CHAT: variants seen among roughly 807,000 people sequenced by gnomAD.
CHAT encodes acetyl CoA:choline O-acetyltransferase.
A neutral mutation model predicts 76.9 loss-of-function variants in CHAT; 61 were observed. The ratio of observed to expected loss-of-function variants is 0.79; its 90% CI spans 0.65 to 0.98. The LOEUF (loss-of-function observed/expected upper bound fraction) is 0.98, where lower values mean the gene tolerates loss of function less well. Ranked by LOEUF, CHAT falls within the 50% of genes least tolerant of loss-of-function variation. The pLI is 0.00. For missense variants in CHAT, 946 were observed against 986.9 expected (o/e 0.96, Z 0.56); for synonymous variants, 407 against 397.4 (o/e 1.02, Z -0.29).
intron 1 of CHAT, 115 bp from the exon 2 acceptor site, chr10:49,616,387 G>A (rs878976481): frequency 3.6e-6 from 3 of 825,418 alleles, no homozygotes; most frequent in Non-Finnish European, 6.2e-6. Flanking sequence ...ATACACAGCT[G>A]TCAGGCTCTG....
At chr10:49,635,220 A>G (rs1022123784) in intron 7 of CHAT, among the ~76,000 whole-genome samples, 1 of 152,230 alleles carries the variant, frequency 6.6e-6, no homozygotes, top group African/African-American at 2.4e-5. Flanking sequence ...TTCAAACAGT[A>G]TAATTCTCCG....
At chr10:49,644,742 A>G (rs1590603830) in intron 7 of CHAT, among the ~76,000 whole-genome samples, 1 of 152,332 alleles carries the variant, frequency 6.6e-6, no homozygotes, top group East Asian at 1.9e-4. Context: ...TGGGGACTGG[A>G]GACTCCTTTC....
chr10:49,639,353 C>T (rs1463162304), intron 7 of CHAT, among the ~76,000 whole-genome samples: 1 of 152,102 alleles, frequency 6.6e-6, no homozygotes, highest in Non-Finnish European at 1.5e-5. Context: ...GTTTTGATTT[C>T]CCCTTCTTCA....
intron 7 of CHAT, among the ~76,000 whole-genome samples, chr10:49,640,840 T>TTTTG (rs199505786): frequency 4.0e-4 from 61 of 152,372 alleles, no homozygotes; most frequent in South Asian, 1.0e-3. Context: ...TTGTTGATTA[T>TTTTG]TTTGTTTGTT....
At chr10:49,612,592 C>A, upstream of CHAT, 1 of 500,942 alleles carries the variant, frequency 2.0e-6, no homozygotes, top group East Asian at 3.2e-5. Context: ...GACCCTGAGT[C>A]CCCACCTGCG....
Position 49,664,828 on chromosome 10 carries a change from G to T in CHAT, c.2029G>T (p.Gly677Trp). 6.2e-7 allele frequency: 1 copy of T among 1,614,192 alleles called. No individual in the cohort carries two copies. Among genetic ancestry groups the T allele is most frequent in the Non-Finnish European group, 8.5e-7 (1 of 1,180,034 alleles). The change falls in exon 15 of 15, where the codon GGG becomes TGG. Residue 677 changes from glycine to tryptophan, a missense_variant. Coordinates refer to ENST00000337653, the MANE Select transcript of CHAT (RefSeq NM_020549.5). ...CTGCTATGGTCCTGTGGTCCCAAAT[G>T]GGTATGGTGCCTGCTACAACCCCCA... ...FCCYGPVVPN[G>W]YGACYNPQPE...
upstream of CHAT, chr10:49,610,654 G>A: frequency 1.0e-5 from 14 of 1,338,730 alleles, no homozygotes; most frequent in Non-Finnish European, 1.4e-5. Context: ...CAGCCTCCCC[G>A]AAGTCCCGTG....
chr10:49,622,450 T>C (rs1838764331), intron 5 of CHAT, among the ~76,000 whole-genome samples: 1 of 152,068 alleles, frequency 6.6e-6, no homozygotes, highest in South Asian at 2.1e-4. Context: ...GGAGAACACA[T>C]AGGAAGGCGG....
intron 7 of CHAT, among the ~76,000 whole-genome samples, chr10:49,640,489 T>C (rs1485612174): frequency 7.1e-6 from 1 of 140,734 alleles, no homozygotes; most frequent in Non-Finnish European, 1.6e-5. Context: ...GGACTCCTTA[T>C]TACTGCAGGG....
At chr10:49,643,613 C>A (rs1839560209) in intron 7 of CHAT, among the ~76,000 whole-genome samples, 2 of 152,278 alleles carry the variant, frequency 1.3e-5, no homozygotes, top group South Asian at 2.1e-4. Context: ...GGGAAGAAGC[C>A]CTACCTTGTC....
At chr10:49,642,875 A>G (rs12356649) in intron 7 of CHAT, among the ~76,000 whole-genome samples, 17,297 of 152,316 alleles carry the variant, frequency 0.11, 1,097 homozygotes, top group Non-Finnish European at 0.14. Flanking sequence ...CCAAGCTGCC[A>G]GGTATCCTAG....
intron 12 of CHAT, 70 bp downstream of exon 12, chr10:49,655,306 G>A: frequency 1.9e-6 from 3 of 1,613,524 alleles, no homozygotes; most frequent in Non-Finnish European, 2.5e-6. Flanking sequence ...GGTTGCAGTG[G>A]GCTCGGCCCT....
At chr10:49,646,142 G>C (rs1839653486) in intron 7 of CHAT, among the ~76,000 whole-genome samples, 1 of 152,244 alleles carries the variant, frequency 6.6e-6, no homozygotes. Context: ...TGTTGGGTGG[G>C]GGATTAAGGG....
intron 9 of CHAT, among the ~76,000 whole-genome samples, chr10:49,648,967 T>C (rs1839777977): frequency 6.6e-6 from 1 of 152,182 alleles, no homozygotes; most frequent in African/African-American, 2.4e-5. Context: ...GGGAGTTCTC[T>C]GAGTCTCACT....
At chr10:49,651,508 G>A (rs1297143035) in intron 10 of CHAT, among the ~76,000 whole-genome samples, 1 of 152,228 alleles carries the variant, frequency 6.6e-6, no homozygotes, top group Non-Finnish European at 1.5e-5. Flanking sequence ...CAGAGTCTCA[G>A]TGCAGACTTG....
chr10:49,616,051 A>G (rs750204722), intron 1 of CHAT: 1 of 1,613,868 alleles, frequency 6.2e-7, no homozygotes, highest in Non-Finnish European at 8.5e-7. Flanking sequence ...TCCACACCAG[A>G]GATGTGGCCG....
chr10:49,624,192 C>T (rs1246347613), intron 5 of CHAT, among the ~76,000 whole-genome samples: 2 of 152,182 alleles, frequency 1.3e-5, no homozygotes, highest in Non-Finnish European at 2.9e-5. Flanking sequence ...CAAGCTGCCT[C>T]TGGGGAAGAA....
chr10:49,662,902 T>C (rs915984501), intron 14 of CHAT, 120 bp downstream of exon 14: 18 of 1,262,528 alleles, frequency 1.4e-5, no homozygotes, highest in African/African-American at 1.0e-4. Context: ...TTCTGAACTA[T>C]GTGATCTTCA....
chr10:49,623,566 C>G (rs146651272), intron 5 of CHAT, among the ~76,000 whole-genome samples: 1 of 152,316 alleles, frequency 6.6e-6, no homozygotes, highest in East Asian at 1.9e-4. Context: ...TAAACAGACA[C>G]AAAATACAGC....
Sources: allele counts gnomAD v4.1 joint callset (sites outside exome capture counted in the v4.1 genomes callset), GRCh38; gene constraint gnomAD v4.1.1; transcripts MANE v1.5; gene names NCBI Gene and HGNC (gene_info 2026-07-23, HGNC 2026-07-21).